CERS3: variants seen among roughly 807,000 people sequenced by gnomAD.
The protein encoded by CERS3 is ceramide synthase 3.
In CERS3, 33 loss-of-function variants were observed where a neutral mutation model predicts 50.3. That is an observed-to-expected ratio of 0.66 (90% confidence interval 0.50 to 0.88). The LOEUF is 0.88. Among genes scored for constraint, CERS3 ranks in the 40% least tolerant of loss-of-function variants. CERS3 has a pLI of 0.00. For synonymous variants in CERS3, 176 were observed against 155.2 expected, an observed-to-expected ratio of 1.13 and a Z score of -0.99; for missense variants, 470 against 460.3, an observed-to-expected ratio of 1.02 and a Z score of -0.19.
intron 8 of CERS3, chr15:100,475,878 A>G: frequency 3.4e-6 from 1 of 290,782 alleles, no homozygotes; most frequent in Non-Finnish European, 6.4e-6. Context: ...TTCAAAGTTA[A>G]AGTTTTTATA....
At chr15:100,479,311 G>A in intron 7 of CERS3, 117 bp downstream of exon 7, 1 of 674,550 alleles carries the variant, frequency 1.5e-6, no homozygotes, top group Non-Finnish European at 2.5e-6. Flanking sequence ...TAGAAAAAGT[G>A]CCAGGGATGA....
chr15:100,513,560 T>C (rs1457946471), intron 2 of CERS3, among the ~76,000 whole-genome samples: 1 of 141,070 alleles, frequency 7.1e-6, no homozygotes, highest in East Asian at 2.1e-4. Context: ...TTTTTTGAGA[T>C]AAGATCTTGC....
intron 4 of CERS3, among the ~76,000 whole-genome samples, chr15:100,486,246 T>C (rs1212571095): frequency 6.6e-6 from 1 of 152,222 alleles, no homozygotes; most frequent in Admixed American, 6.5e-5. Flanking sequence ...TAGCTTCTGC[T>C]AGATTATCTT....
intron 10 of CERS3, among the ~76,000 whole-genome samples, chr15:100,465,781 C>A (rs2034693771): frequency 2.6e-5 from 4 of 151,958 alleles, no homozygotes; most frequent in Admixed American, 2.6e-4. Context: ...GTCTCAGCCT[C>A]CCGAGTAGCT....
At chr15:100,518,277 GAA>G (rs1217895643) in intron 2 of CERS3, among the ~76,000 whole-genome samples, 1 of 152,140 alleles carries the variant, frequency 6.6e-6, no homozygotes, top group Non-Finnish European at 1.5e-5. Flanking sequence ...GGGACAAAGA[GAA>G]AGAGACAGAG....
intron 11 of CERS3, among the ~76,000 whole-genome samples, chr15:100,412,506 T>A (rs187300254): frequency 1.2e-4 from 19 of 152,212 alleles, no homozygotes; most frequent in South Asian, 8.3e-4. Flanking sequence ...AGCTTTGTTC[T>A]TTTTCAAATT....
At chr15:100,542,978 A>T (rs1332765577) in intron 1 of CERS3, among the ~76,000 whole-genome samples, 1 of 152,076 alleles carries the variant, frequency 6.6e-6, no homozygotes, top group African/African-American at 2.4e-5. Flanking sequence ...CAGTAGTAGG[A>T]TCTCAGCTCA....
intron 3 of CERS3, among the ~76,000 whole-genome samples, chr15:100,497,302 A>ATGTG (rs1236454887): frequency 1.6e-4 from 22 of 133,634 alleles, no homozygotes; most frequent in African/African-American, 5.9e-4. Flanking sequence ...GAGAGCATAT[A>ATGTG]TGTATGTGTG....
chr15:100,451,074 G>GA (rs1218438264), intron 11 of CERS3, among the ~76,000 whole-genome samples: 2 of 152,044 alleles, frequency 1.3e-5, no homozygotes, highest in Non-Finnish European at 2.9e-5. Context: ...ATCCAGAAGT[G>GA]AAAAAATCAT....
At chr15:100,448,717 T>C (rs1001834400) in intron 11 of CERS3, among the ~76,000 whole-genome samples, 14 of 152,248 alleles carry the variant, frequency 9.2e-5, no homozygotes, top group African/African-American at 3.4e-4. Context: ...GGCACTGCTG[T>C]GGCTGGCTGT....
chr15:100,467,801 ATATATACGTCTATATATATGTG>A (rs1567639799), intron 10 of CERS3, among the ~76,000 whole-genome samples: 1 of 97,866 alleles, frequency 1.0e-5, no homozygotes, highest in Non-Finnish European at 2.4e-5. Context: ...ATATGTATAT[ATATATACGTCTATATATATGTG>A]TATATATATA....
rs1160466449 is a variant in CERS3 at position 100,401,294 on chromosome 15, G to T, written c.*1419C>A. The stretch of plus-strand genomic sequence containing the variant: ...TTTACTCAGGGTCTTCCTTGGGAAG[G>T]CCTGGCCTCTCCTCAGCCAGCAGCC... On this transcript the variant is annotated 3_prime_UTR_variant, in exon 12 of 12. Transcript: ENST00000679737. 6.6e-6 allele frequency: 1 copy of T among 152,326 alleles called. No individual in the cohort carries two copies. Among genetic ancestry groups the T allele is most frequent in the Non-Finnish European group, 1.5e-5 (1 of 68,156 alleles). The allele number at this position is 152,326 out of a possible 1,614,324, so 9.4% of individuals were successfully genotyped here.
intron 3 of CERS3, among the ~76,000 whole-genome samples, chr15:100,496,397 G>T (rs915585964): frequency 2.6e-5 from 4 of 151,990 alleles, no homozygotes; most frequent in Non-Finnish European, 4.4e-5. Flanking sequence ...AATCTTAAAA[G>T]CATTAAGCTT....
At chr15:100,538,484 T>C (rs1217000882) in intron 1 of CERS3, among the ~76,000 whole-genome samples, 1 of 152,244 alleles carries the variant, frequency 6.6e-6, no homozygotes, top group African/African-American at 2.4e-5. Context: ...CCTTGATTCT[T>C]GACTTCTGTG....
chr15:100,491,868 C>A (rs979830560), intron 3 of CERS3, among the ~76,000 whole-genome samples: 2 of 146,826 alleles, frequency 1.4e-5, no homozygotes, highest in African/African-American at 5.0e-5. Flanking sequence ...TTGTTAATTT[C>A]TTGATTTCTT....
chr15:100,538,956 AC>A (rs778136777), intron 1 of CERS3, among the ~76,000 whole-genome samples: 5 of 152,170 alleles, frequency 3.3e-5, no homozygotes, highest in Non-Finnish European at 7.3e-5. Flanking sequence ...CTTTAAGAGC[AC>A]CCAAGTCACC....
intron 11 of CERS3, among the ~76,000 whole-genome samples, chr15:100,435,604 A>C (rs914364173): frequency 5.3e-5 from 8 of 152,218 alleles, no homozygotes; most frequent in African/African-American, 1.7e-4. Flanking sequence ...AATGGCAACA[A>C]AAGCCAGAAT....
At chr15:100,482,352 G>T (rs1225831370) in intron 5 of CERS3, among the ~76,000 whole-genome samples, 4 of 152,170 alleles carry the variant, frequency 2.6e-5, no homozygotes, top group Non-Finnish European at 4.4e-5. Flanking sequence ...AGGGAGGAAT[G>T]GGCAGAGTGG....
intron 1 of CERS3, among the ~76,000 whole-genome samples, chr15:100,524,361 C>T (rs1393940): frequency 0.96 from 146,417 of 152,296 alleles, 70,440 homozygotes; most frequent in Non-Finnish European, 0.98. Context: ...TACACAACAA[C>T]CACTTAGGAA....
Sources: allele counts gnomAD v4.1 joint callset (sites outside exome capture counted in the v4.1 genomes callset), GRCh38; gene constraint gnomAD v4.1.1; transcripts MANE v1.5; gene names NCBI Gene and HGNC (gene_info 2026-07-23, HGNC 2026-07-21).